The following PXN variants were observed in gnomAD, a reference collection of about 807,000 sequenced individuals.
PXN encodes testicular tissue protein Li 134.
PXN carries 61 observed loss-of-function variants against 103.6 expected under a neutral mutation model. That is an observed-to-expected ratio of 0.59 (90% confidence interval 0.48 to 0.73). PXN has a LOEUF of 0.73. PXN is among the 30% of genes least tolerant of loss of function. The pLI, the probability that PXN is intolerant of heterozygous loss-of-function variation, is 0.00. For synonymous variants in PXN, 562 were observed against 607.8 expected, an observed-to-expected ratio of 0.92 and a Z score of 1.11; for missense variants, 1,274 against 1,460.3, an observed-to-expected ratio of 0.87 and a Z score of 2.08.
At chr12:120,260,931 G>A (rs1253598664) in intron 1 of PXN, among the ~76,000 whole-genome samples, 1 of 152,188 alleles carries the variant, frequency 6.6e-6, no homozygotes, top group Non-Finnish European at 1.5e-5. Flanking sequence ...AAAAAAAAGT[G>A]TACAAAACAG....
At chr12:120,243,000 C>T (rs1486869228) in intron 1 of PXN, among the ~76,000 whole-genome samples, 1 of 152,130 alleles carries the variant, frequency 6.6e-6, no homozygotes, top group Non-Finnish European at 1.5e-5. Flanking sequence ...GATGCAAAGC[C>T]TAATGACTGT....
At chr12:120,243,275 G>A (rs1024124318) in intron 1 of PXN, among the ~76,000 whole-genome samples, 2 of 152,130 alleles carry the variant, frequency 1.3e-5, no homozygotes, top group African/African-American at 4.8e-5. Context: ...CCTACCTAGA[G>A]AAAAAGCAAC....
intron 1 of PXN, among the ~76,000 whole-genome samples, chr12:120,245,356 G>C (rs1418104482): frequency 6.6e-6 from 1 of 151,920 alleles, no homozygotes; most frequent in Non-Finnish European, 1.5e-5. Flanking sequence ...TGAGGCTGAG[G>C]GAGTTCACAG....
In PXN at chr12:120,220,894, C is replaced by T. The variant is rs114323614; in HGVS notation, c.831+729G>A. On this transcript the variant is annotated intron_variant, in intron 6 of 14. Coordinates refer to ENST00000637617, the MANE Select transcript of PXN (RefSeq NM_001385981.1). The surrounding 1 kb of genome is among the most constrained non-coding windows in gnomAD (Gnocchi z 6.1). ...TCATGCCCCAAAGGTCTCCAGCTGA[C>T]CCACGTGGAAGTATGAAGTCAGCAG... 9.1e-4 allele frequency among the ~76,000 whole-genome samples: 139 copies of T among 152,296 alleles called. No individual in the cohort carries two copies. Among genetic ancestry groups the T allele is most frequent in the African/African-American group, 3.2e-3 (135 of 41,562 alleles).
rs1464714897 is a variant in PXN, at chr12:120,214,410, A to C, written c.2749-193T>G. On this transcript the variant is annotated intron_variant, in intron 12 of 14. Coordinates refer to ENST00000637617, the MANE Select transcript of PXN (RefSeq NM_001385981.1). This position sits in a 1 kb window ranked among gnomAD's most constrained non-coding sequence, Gnocchi z 5.0. ...AGTTACTCAGGATGGGACAAGCCAG[A>C]CACATACCCTCTCCTCTACTCCTCA... is the stretch of plus-strand genomic sequence containing the variant. Among the ~76,000 whole-genome samples, 2 of 152,222 alleles carry C rather than the reference A, an allele frequency of 1.3e-5. No homozygotes were observed. Among genetic ancestry groups the C allele is most frequent in the Non-Finnish European group, 2.9e-5 (2 of 68,026 alleles).
chr12:120,237,269 G>T (rs1889270614), intron 1 of PXN, among the ~76,000 whole-genome samples: 2 of 150,934 alleles, frequency 1.3e-5, no homozygotes, highest in Admixed American at 6.6e-5. Flanking sequence ...AGCAATTCTT[G>T]TGCCTCAGCC....
Position 120,213,838 on chromosome 12 carries a change from T to C in PXN, c.2979+4A>G, listed in dbSNP as rs1881394627. ...CCCTCCAGATGTGGTCAGGGGCTCC[T>C]TACCCGGCACACAAAGCACTCAGGA... On this transcript the variant is annotated splice_donor_region_variant and intron_variant, in intron 14 of 14. Transcript: ENST00000637617. The surrounding 1 kb of genome is among the most constrained non-coding windows in gnomAD (Gnocchi z 4.2). The C allele has an allele frequency of 8.1e-6, 13 of 1,609,408 alleles. No homozygotes were observed. Among genetic ancestry groups the C allele is most frequent in the Non-Finnish European group, 1.1e-5 (13 of 1,177,976 alleles).
At chr12:120,232,693 C>G (rs903748393) in intron 1 of PXN, among the ~76,000 whole-genome samples, 1 of 152,176 alleles carries the variant, frequency 6.6e-6, no homozygotes, top group South Asian at 2.1e-4. Context: ...CCTCTCACCC[C>G]TGCTAATCAC....
At position 120,220,298 on chromosome 12, in the gene PXN, G is replaced by A. The variant is rs896234271; in HGVS notation, c.832-207C>T. 2.0e-5 allele frequency among the ~76,000 whole-genome samples: 3 copies of A among 152,092 alleles called. No homozygotes were observed. The highest frequency in any genetic ancestry group is 4.1e-4 in the South Asian group (2 of 4,820). ...CTTAGCCCTCACCAAACCCAAGCAAGAGAAAGCAGCCACCAAGCCGTGCCT... is the reference window on the plus strand; with the variant it reads ...CTTAGCCCTCACCAAACCCAAGCAAAAGAAAGCAGCCACCAAGCCGTGCCT... On this transcript the variant is annotated intron_variant, in intron 6 of 14. Transcript: ENST00000637617. The surrounding 1 kb of genome is among the most constrained non-coding windows in gnomAD (Gnocchi z 6.1).
intron 1 of PXN, among the ~76,000 whole-genome samples, chr12:120,244,255 T>G (rs2136539867): frequency 6.6e-6 from 1 of 151,598 alleles, no homozygotes; most frequent in East Asian, 1.9e-4. Flanking sequence ...TGGCCACATC[T>G]GTAATCCCAG....
At chr12:120,234,571 C>G (rs149682522) in intron 1 of PXN, among the ~76,000 whole-genome samples, 1 of 152,284 alleles carries the variant, frequency 6.6e-6, no homozygotes, top group Non-Finnish European at 1.5e-5. Flanking sequence ...GATGGTCACA[C>G]AGTTCTTTGG....
In PXN at chr12:120,214,677, C is replaced by G; in HGVS notation, c.2748+148G>C. 1 of 1,024,318 alleles carries G rather than the reference C, an allele frequency of 9.8e-7. No homozygotes were observed. Among genetic ancestry groups the G allele is most frequent in the Non-Finnish European group, 1.4e-6 (1 of 705,854 alleles). 63.5% of individuals were successfully genotyped at this position (1,024,318 alleles called of 1,614,324 possible). A position where few individuals can be genotyped will look rare whatever the true frequency, so the allele number is the denominator to read the frequency against. On this transcript the variant is annotated intron_variant, in intron 12 of 14. Transcript: ENST00000637617. This position sits in a 1 kb window ranked among gnomAD's most constrained non-coding sequence, Gnocchi z 5.0. Reference sequence around the variant, plus strand: ...GGGACAGGCTGTGGTTCAGGTGTGGCTGTGAATCCGGCCCCACTGTTCCCT... The same window carrying G: ...GGGACAGGCTGTGGTTCAGGTGTGGGTGTGAATCCGGCCCCACTGTTCCCT...
At position 120,224,107 on chromosome 12, in the gene PXN, T is replaced by TC. The variant is rs993884938; in HGVS notation, c.240+43dup. 1.5e-5 allele frequency: 21 copies of TC among 1,436,998 alleles called. No homozygotes were observed. In the Admixed American group the frequency reaches 1.5e-4, roughly 10 times the overall value. 89.0% of individuals were successfully genotyped at this position (1,436,998 alleles called of 1,614,324 possible). ...GCCCCTGCCAGCTAAGTTCCCTCTG[T>TC]CCCCCAGCCTCCTTGGCCTTCCCAG... On this transcript the variant is annotated intron_variant, in intron 2 of 14. Coordinates refer to ENST00000637617, the MANE Select transcript of PXN (RefSeq NM_001385981.1). This position sits in a 1 kb window ranked among gnomAD's most constrained non-coding sequence, Gnocchi z 5.0.
Position 120,212,505 on chromosome 12 carries a change from C to G in PXN, c.3055G>C (p.Glu1019Gln). 2 of 1,613,908 alleles carry G rather than the reference C, an allele frequency of 1.2e-6. No individual in the cohort carries two copies. The highest frequency in any genetic ancestry group is 1.7e-6 in the Non-Finnish European group (2 of 1,179,888). The change falls in exon 15 of 15, where the codon GAG becomes CAG. Residue 1019 changes from glutamate to glutamine, a missense_variant. By Grantham distance (29) the Glu-to-Gln change is conservative (BLOSUM62 2). This residue lies in a region of PXN where 96 missense variants were observed against 151.3 expected (regional missense o/e 0.63). Transcript: ENST00000637617. This position sits in a 1 kb window ranked among gnomAD's most constrained non-coding sequence, Gnocchi z 7.2. Reference protein sequence around the residue: ...GQPYCEVHYHERRGSLCSGCQ... With the variant: ...GQPYCEVHYHQRRGSLCSGCQ... ...CCAGAACACAGCGAGCCGCGCCGCT[C>G]GTGGTAGTGCACCTCACAGTAGGGC... is the stretch of plus-strand genomic sequence containing the variant.
rs553519584 is a variant in PXN, at chr12:120,229,892, C to T, written c.14-5515G>A. ...GGCTGCCCTGCCACACCAGCCCCAG[C>T]GCCAGGGCCCCGTGGTCCCTGCCCA... is the stretch of plus-strand genomic sequence containing the variant. On this transcript the variant is annotated intron_variant, in intron 1 of 14. Coordinates refer to ENST00000637617, the MANE Select transcript of PXN (RefSeq NM_001385981.1). This position sits in a 1 kb window ranked among gnomAD's most constrained non-coding sequence, Gnocchi z 4.0. Among the ~76,000 whole-genome samples, 1 of 152,156 alleles carries T rather than the reference C, an allele frequency of 6.6e-6. No individual in the cohort carries two copies. The highest frequency in any genetic ancestry group is 6.5e-5 in the Admixed American group (1 of 15,280).
At chr12:120,246,395 C>T (rs1188868369) in intron 1 of PXN, among the ~76,000 whole-genome samples, 9 of 151,124 alleles carry the variant, frequency 6.0e-5, no homozygotes, top group East Asian at 5.8e-4. Flanking sequence ...GGCATGGTAG[C>T]GCATGCCTGT....
intron 1 of PXN, chr12:120,249,905 T>A (rs1180457684): frequency 1.0e-6 from 1 of 985,342 alleles, no homozygotes; most frequent in East Asian, 1.1e-4. Context: ...TTGTGCCTGA[T>A]GAAGCTAAGC....
rs1808046111 is a variant in PXN, at chr12:120,213,547, C to T, written c.2979+295G>A. On this transcript the variant is annotated intron_variant, in intron 14 of 14. Transcript: ENST00000637617. The surrounding 1 kb of genome is among the most constrained non-coding windows in gnomAD (Gnocchi z 4.2). Reference sequence around the variant, plus strand: ...CCATTTCTGTTGAGTCTGCTAAATACTTGCATTATCTCATTTAGTTCTCAC... The same window carrying T: ...CCATTTCTGTTGAGTCTGCTAAATATTTGCATTATCTCATTTAGTTCTCAC... Among the ~76,000 whole-genome samples, 1 of 152,210 alleles carries T rather than the reference C, an allele frequency of 6.6e-6. No individual in the cohort carries two copies. Among genetic ancestry groups the T allele is most frequent in the African/African-American group, 2.4e-5 (1 of 41,460 alleles).
intron 1 of PXN, among the ~76,000 whole-genome samples, chr12:120,242,594 C>T (rs752712850): frequency 7.9e-5 from 12 of 152,082 alleles, no homozygotes; most frequent in African/African-American, 9.7e-5. Context: ...ACAGATAAAG[C>T]TCATCTCATG....
Sources: allele counts gnomAD v4.1 joint callset (sites outside exome capture counted in the v4.1 genomes callset), GRCh38; gene constraint gnomAD v4.1.1; regional missense constraint gnomAD v4.1.1; non-coding constraint Gnocchi (gnomAD v3.1); transcripts MANE v1.5; gene names NCBI Gene and HGNC (gene_info 2026-07-23, HGNC 2026-07-21).